CHN2: variants seen among roughly 807,000 people sequenced by gnomAD.
CHN2 encodes beta-chimaerin.
In CHN2, 35 loss-of-function variants were observed where a neutral mutation model predicts 56.3. The observed-to-expected ratio is 0.62, with a 90% CI of 0.47 to 0.82. CHN2 has a LOEUF of 0.82. Ranked by LOEUF, CHN2 falls within the 40% of genes least tolerant of loss-of-function variation. The pLI is 0.00. For synonymous variants in CHN2, 210 were observed against 212.8 expected, an observed-to-expected ratio of 0.99 and a Z score of 0.12; for missense variants, 491 against 580.5, an observed-to-expected ratio of 0.85 and a Z score of 1.58.
chr7:29,418,447 A>G (rs749330323), intron 6 of CHN2, among the ~76,000 whole-genome samples: 6 of 152,246 alleles, frequency 3.9e-5, no homozygotes, highest in African/African-American at 1.2e-4. Context: ...AGGTGCCTTT[A>G]TTGGGATGCT....
intron 2 of CHN2, among the ~76,000 whole-genome samples, chr7:29,180,610 AATG>A (rs1330666624): frequency 2.6e-5 from 4 of 152,336 alleles, no homozygotes; most frequent in African/African-American, 9.6e-5. Flanking sequence ...AATTAAGGCA[AATG>A]ATGAGCCAAT....
At chr7:29,290,807 C>T (rs1003079009) in intron 1 of CHN2, among the ~76,000 whole-genome samples, 3 of 152,186 alleles carry the variant, frequency 2.0e-5, no homozygotes, top group South Asian at 2.1e-4. Flanking sequence ...AACCAAGGGG[C>T]ATAAGGCACA....
chr7:29,364,126 AT>A (rs1260404649), intron 2 of CHN2, among the ~76,000 whole-genome samples: 2 of 152,232 alleles, frequency 1.3e-5, no homozygotes, highest in East Asian at 3.8e-4. Flanking sequence ...CCTATCCAGA[AT>A]GATAATGACA....
At chr7:29,295,533 CA>C (rs1793077508) in intron 1 of CHN2, among the ~76,000 whole-genome samples, 1 of 149,860 alleles carries the variant, frequency 6.7e-6, no homozygotes, top group African/African-American at 2.5e-5. Context: ...GAGGCCAAGG[CA>C]AGTGGATCAC....
chr7:29,280,383 C>CGATAA (rs1554389865), intron 1 of CHN2, among the ~76,000 whole-genome samples: 1 of 150,422 alleles, frequency 6.6e-6, no homozygotes, highest in East Asian at 2.0e-4. Context: ...GGCTCCGTCT[C>CGATAA]ATAAATAAAT....
chr7:29,275,683 G>A lies in CHN2; in HGVS notation c.50-78942G>A, dbSNP rs868714026. ...TTGAAGGAGGTACTATTATTATTCC[G>A]GTTTTGCAGAGGAGGAAAGTGAGGT... is the stretch of plus-strand genomic sequence containing the variant. On this transcript the variant is annotated intron_variant, in intron 1 of 12. Transcript: ENST00000222792. Among the ~76,000 whole-genome samples, 4 of 152,068 alleles carry A rather than the reference G, an allele frequency of 2.6e-5. No individual in the cohort carries two copies. The East Asian group carries it at 7.7e-4, about 29-fold the overall frequency.
At chr7:29,225,591 T>C (rs1482919393) in intron 1 of CHN2, among the ~76,000 whole-genome samples, 1 of 152,224 alleles carries the variant, frequency 6.6e-6, no homozygotes, top group African/African-American at 2.4e-5. Flanking sequence ...TATAGGACAT[T>C]AGTGCTGTAG....
chr7:29,243,473 T>C (rs1787844589), intron 1 of CHN2, among the ~76,000 whole-genome samples: 1 of 152,202 alleles, frequency 6.6e-6, no homozygotes. Context: ...TTTGGGGAAA[T>C]GAATAAAACC....
intron 2 of CHN2, among the ~76,000 whole-genome samples, chr7:29,155,306 AAAAT>A (rs1210285069): frequency 6.6e-6 from 1 of 152,214 alleles, no homozygotes; most frequent in Non-Finnish European, 1.5e-5. Context: ...GCCATTATCA[AAAAT>A]AAATAAATAG....
chr7:29,276,141 GA>G, intron 1 of CHN2, among the ~76,000 whole-genome samples: 1 of 136,840 alleles, frequency 7.3e-6, no homozygotes, highest in South Asian at 2.5e-4. Context: ...GTAAATCATT[GA>G]CTTGAGATGG....
chr7:29,219,087 C>T lies in CHN2; in HGVS notation c.49+24097C>T, dbSNP rs144157754. On this transcript the variant is annotated intron_variant, in intron 1 of 12. Transcript: ENST00000222792. ...AGTGCGTATTATAAATCCTGAATCA[C>T]GAGGAATGGGTTTTGAAACCGCAGT... is the stretch of plus-strand genomic sequence containing the variant. 1.1e-3 allele frequency among the ~76,000 whole-genome samples: 171 copies of T among 152,236 alleles called. 2 individuals carry two copies. The highest frequency in any genetic ancestry group is 4.0e-3 in the African/African-American group (168 of 41,536).
chr7:29,348,630 T>C (rs891113964), intron 1 of CHN2, among the ~76,000 whole-genome samples: 1 of 152,198 alleles, frequency 6.6e-6, no homozygotes, highest in Non-Finnish European at 1.5e-5. Context: ...TAACTGTCTT[T>C]TGTCTCACTC....
chr7:29,511,210 CA>C (rs1791337168), intron 12 of CHN2, among the ~76,000 whole-genome samples: 1 of 3,986 alleles, frequency 2.5e-4, no homozygotes, highest in Non-Finnish European at 6.3e-4. Flanking sequence ...ATAAGACATA[CA>C]AGAAGACATA....
At chr7:29,469,507 G>C (rs1785849645) in intron 6 of CHN2, among the ~76,000 whole-genome samples, 1 of 152,132 alleles carries the variant, frequency 6.6e-6, no homozygotes, top group Non-Finnish European at 1.5e-5. Flanking sequence ...CACTCTAGCT[G>C]TTCCTGATCT....
chr7:29,470,077 T>A (rs1317326993), intron 6 of CHN2, among the ~76,000 whole-genome samples: 1 of 152,248 alleles, frequency 6.6e-6, no homozygotes, highest in Non-Finnish European at 1.5e-5. Context: ...TCCCCTGGAA[T>A]ATTTACACTT....
chr7:29,411,690 G>T (rs1306660491), intron 6 of CHN2, among the ~76,000 whole-genome samples: 1 of 152,094 alleles, frequency 6.6e-6, no homozygotes, highest in Non-Finnish European at 1.5e-5. Context: ...GCTCAATTAG[G>T]CAGGAAGTAG....
intron 7 of CHN2, among the ~76,000 whole-genome samples, chr7:29,494,968 A>AT (rs1789103943): frequency 6.6e-6 from 1 of 150,458 alleles, no homozygotes; most frequent in South Asian, 2.1e-4. Flanking sequence ...AAAAAAAAAA[A>AT]AAAAAAAAAA....
intron 3 of CHN2, among the ~76,000 whole-genome samples, chr7:29,369,100 T>C (rs1053262426): frequency 6.6e-6 from 1 of 152,164 alleles, no homozygotes; most frequent in Non-Finnish European, 1.5e-5. Context: ...TTTTTTCAAA[T>C]GAGAGAAAAT....
chr7:29,347,526 A>C (rs567912251), intron 1 of CHN2, among the ~76,000 whole-genome samples: 49 of 152,244 alleles, frequency 3.2e-4, no homozygotes, highest in African/African-American at 1.2e-3. Context: ...GAGAGAGAGC[A>C]AAGAAAGAAG....
Sources: gnomAD v4.1 joint callset for allele counts (sites outside exome capture counted in the v4.1 genomes callset) on GRCh38, gnomAD v4.1.1 for gene constraint, MANE v1.5 for transcripts, NCBI Gene and HGNC (gene_info 2026-07-23, HGNC 2026-07-21) for gene names.